Variants in THSD7B observed in about 807,000 individuals in gnomAD.
The protein encoded by THSD7B is thrombospondin type 1 domain containing 7B.
A neutral mutation model predicts 213.6 loss-of-function variants in THSD7B; 138 were observed. That is an observed-to-expected ratio of 0.65 (90% CI 0.56 to 0.74). THSD7B has a LOEUF of 0.74. Ranked by LOEUF, THSD7B falls within the 30% of genes least tolerant of loss-of-function variation. THSD7B has a pLI of 0.00. For synonymous variants in THSD7B, 742 were observed against 687.0 expected (o/e 1.08, Z -1.25); for missense variants, 1,931 against 1,991.5 (o/e 0.97, Z 0.58).
chr2:137,297,747 G>A (rs1450657610), intron 12 of THSD7B, among the ~76,000 whole-genome samples: 1 of 152,046 alleles, frequency 6.6e-6, no homozygotes, highest in East Asian at 1.9e-4. Flanking sequence ...TACTTGATGG[G>A]TTTACCAGGG....
chr2:137,623,564 G>C (rs909497062), intron 20 of THSD7B, among the ~76,000 whole-genome samples: 2 of 152,166 alleles, frequency 1.3e-5, no homozygotes, highest in Non-Finnish European at 2.9e-5. Flanking sequence ...TGACATGATT[G>C]TATATTGAGA....
At chr2:137,339,262 C>T (rs1018232340) in intron 12 of THSD7B, among the ~76,000 whole-genome samples, 22 of 111,426 alleles carry the variant, frequency 2.0e-4, no homozygotes, top group African/African-American at 6.5e-4. Context: ...GAGCATCCAG[C>T]GCATCCAGAA....
chr2:137,640,993 G>C (rs1182071522), intron 20 of THSD7B, among the ~76,000 whole-genome samples: 4 of 152,178 alleles, frequency 2.6e-5, no homozygotes, highest in Non-Finnish European at 5.9e-5. Flanking sequence ...TGGACAGTAA[G>C]AGGTCTAGTT....
chr2:136,844,314 G>A (rs909200053), intron 1 of THSD7B, among the ~76,000 whole-genome samples: 2 of 152,082 alleles, frequency 1.3e-5, no homozygotes, highest in Admixed American at 6.6e-5. Flanking sequence ...AACAAGGGAG[G>A]GAGAAGTGTT....
chr2:137,356,229 G>A (rs973438749), intron 12 of THSD7B, among the ~76,000 whole-genome samples: 3 of 152,066 alleles, frequency 2.0e-5, no homozygotes, highest in African/African-American at 7.2e-5. Flanking sequence ...ATGTATCCAC[G>A]TACCAGGGCT....
chr2:136,781,573 C>T (rs539418743), intron 1 of THSD7B, among the ~76,000 whole-genome samples: 35 of 151,858 alleles, frequency 2.3e-4, no homozygotes, highest in Non-Finnish European at 4.1e-4. Flanking sequence ...TGCCTGGCCG[C>T]CTACTTACCA....
chr2:136,915,549 G>T (rs1393448445), intron 2 of THSD7B, among the ~76,000 whole-genome samples: 2 of 152,154 alleles, frequency 1.3e-5, no homozygotes, highest in Non-Finnish European at 2.9e-5. Flanking sequence ...GCTAACACTT[G>T]CTACTTTTTC....
intron 5 of THSD7B, among the ~76,000 whole-genome samples, chr2:137,129,862 A>G (rs1688697296): frequency 6.6e-6 from 1 of 152,236 alleles, no homozygotes; most frequent in Non-Finnish European, 1.5e-5. Flanking sequence ...AACTTATGAA[A>G]TAGTCCTAAT....
chr2:137,552,527 T>A lies in THSD7B; in HGVS notation c.3139-10694T>A, dbSNP rs374140094. 2.0e-5 allele frequency among the ~76,000 whole-genome samples: 3 copies of A among 152,310 alleles called. No individual in the cohort carries two copies. The East Asian group carries it at 5.8e-4, about 29-fold the overall frequency. On this transcript the variant is annotated intron_variant, in intron 15 of 27. Coordinates refer to ENST00000409968, the MANE Select transcript of THSD7B (RefSeq NM_001316349.2). ...CCTTGTCTAACTCCAATGAGTGTGA[T>A]GACCAAGACTTAAGACACAGAATAC...
intron 15 of THSD7B, among the ~76,000 whole-genome samples, chr2:137,544,876 T>A (rs1354580763): frequency 4.0e-5 from 6 of 151,830 alleles, no homozygotes; most frequent in Non-Finnish European, 8.8e-5. Context: ...TGTAGAATTG[T>A]ACATGCCTCC....
Position 137,405,790 on chromosome 2 carries a change from G to A in THSD7B, c.2678G>A (p.Arg893Lys). ...CSTNCEATKSRRRQLTGKSRK... is the reference protein window; with the variant it reads ...CSTNCEATKSKRRQLTGKSRK... ...ACGAACTGTGAAGCCACAAAAAGTA[G>A]GCGGCGACAGCTCACAGGTATAGTG... The change falls in exon 13 of 28, where the codon AGG (arginine) becomes AAG (lysine). Residue 893 changes from arginine (R) to lysine (K), a missense_variant. Coordinates refer to ENST00000409968, the MANE Select transcript of THSD7B (RefSeq NM_001316349.2). 5.0e-6 allele frequency: 8 copies of A among 1,612,044 alleles called. No individual in the cohort carries two copies. Among genetic ancestry groups the A allele is most frequent in the Non-Finnish European group, 6.8e-6 (8 of 1,179,028 alleles).
intron 2 of THSD7B, among the ~76,000 whole-genome samples, chr2:137,052,816 A>G (rs1168136896): frequency 6.6e-6 from 1 of 152,168 alleles, no homozygotes; most frequent in African/African-American, 2.4e-5. Flanking sequence ...ATCATGGAGC[A>G]CATTTTCTCT....
chr2:136,817,945 G>C (rs1452738193), intron 1 of THSD7B, among the ~76,000 whole-genome samples: 1 of 151,104 alleles, frequency 6.6e-6, no homozygotes, highest in African/African-American at 2.4e-5. Context: ...TTACACTGTT[G>C]TTGGGACTGT....
chr2:136,803,990 A>G (rs868203473), intron 1 of THSD7B, among the ~76,000 whole-genome samples: 2 of 152,184 alleles, frequency 1.3e-5, no homozygotes, highest in African/African-American at 4.8e-5. Context: ...TAGTTCATCA[A>G]TTCAAATGGT....
intron 2 of THSD7B, among the ~76,000 whole-genome samples, chr2:137,006,326 C>A (rs569987390): frequency 2.0e-4 from 30 of 152,182 alleles, no homozygotes; most frequent in African/African-American, 7.2e-4. Flanking sequence ...ACCCGGGAGG[C>A]GGAGCTTGCA....
chr2:136,834,556 T>C (rs1558820761), intron 1 of THSD7B, among the ~76,000 whole-genome samples: 1 of 151,940 alleles, frequency 6.6e-6, no homozygotes, highest in Non-Finnish European at 1.5e-5. Context: ...ATTTGTGGAG[T>C]TCTCAGCATC....
intron 15 of THSD7B, among the ~76,000 whole-genome samples, chr2:137,499,922 T>C (rs1300223636): frequency 6.6e-6 from 1 of 152,184 alleles, no homozygotes; most frequent in East Asian, 1.9e-4. Flanking sequence ...ATTGAAACTA[T>C]ATAAATCCTG....
chr2:137,605,489 A>G (rs1004542968), intron 17 of THSD7B, among the ~76,000 whole-genome samples: 2 of 152,000 alleles, frequency 1.3e-5, no homozygotes, highest in Non-Finnish European at 2.9e-5. Flanking sequence ...TGTAACAGGT[A>G]TTATGGTAGA....
intron 5 of THSD7B, among the ~76,000 whole-genome samples, chr2:137,153,647 GA>G (rs1558940028): frequency 6.6e-6 from 1 of 152,170 alleles, no homozygotes; most frequent in Non-Finnish European, 1.5e-5. Context: ...AACAATGCAT[GA>G]TGCTTCTTGA....
Sources: allele counts gnomAD v4.1 joint callset (sites outside exome capture counted in the v4.1 genomes callset), GRCh38; gene constraint gnomAD v4.1.1; transcripts MANE v1.5; gene names NCBI Gene and HGNC (gene_info 2026-07-23, HGNC 2026-07-21).